Variants in NOX4 observed in about 807,000 individuals in gnomAD.
NOX4 encodes NADPH oxidase 4.
Under a neutral mutation model 87.6 loss-of-function variants are expected in NOX4, and 69 were observed. The observed-to-expected ratio is 0.79, with a 90% confidence interval of 0.65 to 0.96. The LOEUF (loss-of-function observed/expected upper bound fraction) is 0.96, where lower values mean the gene tolerates loss of function less well. NOX4 is among the 40% of genes least tolerant of loss of function. The pLI is 0.00. For synonymous variants in NOX4, 275 were observed against 238.2 expected (o/e 1.15, Z -1.42); for missense variants, 680 against 681.5 (o/e 1.00, Z 0.02).
In NOX4 at chr11:89,427,851, T is replaced by C. The variant is rs146656937; in HGVS notation, c.548+4933A>G. On this transcript the variant is annotated intron_variant, in intron 7 of 17. Coordinates refer to ENST00000263317, the MANE Select transcript of NOX4 (RefSeq NM_016931.5). Reference sequence around the variant, plus strand: ...CTAGTAAGGCAGGCCAATATTCAAATTCAGGAAATACAGAGAACGCCACAA... The same window carrying C: ...CTAGTAAGGCAGGCCAATATTCAAACTCAGGAAATACAGAGAACGCCACAA... Among the ~76,000 whole-genome samples the C allele has an allele frequency of 4.4e-3, 667 of 152,110 alleles. 3 individuals are homozygous for C. Among genetic ancestry groups the C allele is most frequent in the African/African-American group, 0.014 (585 of 41,476 alleles).
chr11:89,585,921 T>C, the NOX4 span, among the ~76,000 whole-genome samples: 2 of 152,220 alleles, frequency 1.3e-5, no homozygotes, highest in African/African-American at 4.8e-5. Flanking sequence ...TGACAATCAC[T>C]GAATATAAAC....
intron 14 of NOX4, among the ~76,000 whole-genome samples, chr11:89,341,150 T>G (rs1945981444): frequency 1.5e-5 from 2 of 132,058 alleles, no homozygotes; most frequent in Non-Finnish European, 1.6e-5. Context: ...TTTGGCAGAG[T>G]CTCGCTCTGT....
intron 11 of NOX4, among the ~76,000 whole-genome samples, chr11:89,397,620 T>C (rs770667552): frequency 6.6e-6 from 1 of 151,820 alleles, no homozygotes; most frequent in Non-Finnish European, 1.5e-5. Flanking sequence ...GTAATAAAAA[T>C]AATAAAAGGG....
chr11:89,543,416 ATTATAT>A, the NOX4 span, among the ~76,000 whole-genome samples: 1 of 152,110 alleles, frequency 6.6e-6, no homozygotes, highest in African/African-American at 2.4e-5. Context: ...CAACATGTTG[ATTATAT>A]TTATCAGTTT....
At chr11:89,447,568 C>G (rs950026770) in intron 4 of NOX4, among the ~76,000 whole-genome samples, 8 of 152,082 alleles carry the variant, frequency 5.3e-5, no homozygotes, top group African/African-American at 1.7e-4. Context: ...GACAAGAAAA[C>G]TGAAGTTAAA....
upstream of NOX4, among the ~76,000 whole-genome samples, chr11:89,500,268 C>G (rs1947002720): frequency 6.6e-6 from 1 of 152,066 alleles, no homozygotes; most frequent in Admixed American, 6.5e-5. Flanking sequence ...AATTTTTTGC[C>G]TGGAGACCCT....
chr11:89,387,526 G>T (rs1348173645), intron 11 of NOX4, among the ~76,000 whole-genome samples: 1 of 152,150 alleles, frequency 6.6e-6, no homozygotes, highest in Non-Finnish European at 1.5e-5. Flanking sequence ...CACAAAGCCT[G>T]TTTGGTGGTC....
intron 2 of NOX4, among the ~76,000 whole-genome samples, chr11:89,461,052 G>T (rs977514930): frequency 1.3e-5 from 2 of 152,052 alleles, no homozygotes; most frequent in Admixed American, 6.6e-5. Context: ...GCAAACTGTT[G>T]CAAGGACAAA....
chr11:89,328,041 A>T (rs181307707), intron 17 of NOX4, among the ~76,000 whole-genome samples: 60 of 152,302 alleles, frequency 3.9e-4, no homozygotes, highest in African/African-American at 1.3e-3. Context: ...TGGCTGCAGC[A>T]GACAGGGGAA....
chr11:89,392,788 G>A (rs907814258), intron 11 of NOX4, among the ~76,000 whole-genome samples: 20 of 152,100 alleles, frequency 1.3e-4, no homozygotes, highest in African/African-American at 4.8e-4. Context: ...AAGTATTCAG[G>A]AGCTCATGGT....
chr11:89,463,550 C>T (rs1045302304), intron 2 of NOX4, among the ~76,000 whole-genome samples: 3 of 151,930 alleles, frequency 2.0e-5, no homozygotes, highest in Non-Finnish European at 2.9e-5. Flanking sequence ...AATTTGTTCA[C>T]GTGCTTGATA....
chr11:89,474,582 T>G (rs1212477204), intron 2 of NOX4, among the ~76,000 whole-genome samples: 1 of 151,618 alleles, frequency 6.6e-6, no homozygotes, highest in Non-Finnish European at 1.5e-5. Context: ...TTAATTAGCC[T>G]CACATAATAG....
chr11:89,508,936 C>T, the NOX4 span, among the ~76,000 whole-genome samples: 1 of 152,012 alleles, frequency 6.6e-6, no homozygotes, highest in Non-Finnish European at 1.5e-5. Flanking sequence ...AAAGACTCAG[C>T]ACAGAGATTT....
At chr11:89,539,651 G>C in the NOX4 span, among the ~76,000 whole-genome samples, 1 of 151,850 alleles carries the variant, frequency 6.6e-6, no homozygotes, top group African/African-American at 2.4e-5. Flanking sequence ...CTTAGAGAAT[G>C]AGTGCCTTAA....
chr11:89,415,044 G>C (rs1211055327), intron 8 of NOX4, among the ~76,000 whole-genome samples: 1 of 151,888 alleles, frequency 6.6e-6, no homozygotes, highest in Non-Finnish European at 1.5e-5. Context: ...AGTTTTTTCA[G>C]TTATTAGCTG....
chr11:89,474,344 C>T (rs1047125059), intron 2 of NOX4, among the ~76,000 whole-genome samples: 4 of 149,676 alleles, frequency 2.7e-5, no homozygotes, highest in African/African-American at 9.8e-5. Flanking sequence ...TGAGTAAGAC[C>T]AATACATCAC....
the NOX4 span, among the ~76,000 whole-genome samples, chr11:89,570,001 C>CAAAAAAA: frequency 1.8e-5 from 2 of 109,938 alleles, no homozygotes; most frequent in African/African-American, 3.4e-5. Context: ...GACTCTGTCT[C>CAAAAAAA]AAAAAAAAAA....
the NOX4 span, among the ~76,000 whole-genome samples, chr11:89,528,134 A>T: frequency 6.6e-6 from 1 of 152,180 alleles, no homozygotes; most frequent in South Asian, 2.1e-4. Flanking sequence ...GCCCCACTGG[A>T]TTTCGGACTT....
upstream of NOX4, among the ~76,000 whole-genome samples, chr11:89,496,708 TAAAGA>T (rs1946956854): frequency 6.6e-6 from 1 of 152,216 alleles, no homozygotes; most frequent in Non-Finnish European, 1.5e-5. Context: ...CTGTGTTTAT[TAAAGA>T]AAATTCATTT....
Sources: allele counts gnomAD v4.1 joint callset (sites outside exome capture counted in the v4.1 genomes callset), GRCh38; gene constraint gnomAD v4.1.1; transcripts MANE v1.5; gene names NCBI Gene and HGNC (gene_info 2026-07-23, HGNC 2026-07-21).